Variants in CTIF observed in about 807,000 individuals in gnomAD.
The protein encoded by CTIF is CBP80/20-dependent translation initiation factor.
A neutral mutation model predicts 66.0 loss-of-function variants in CTIF; 21 were observed. The observed-to-expected ratio is 0.32, with a 90% CI of 0.23 to 0.46. The LOEUF (loss-of-function observed/expected upper bound fraction) is 0.46. Ranked by LOEUF, CTIF falls within the 20% of genes least tolerant of loss-of-function variation. The probability of loss-of-function intolerance (pLI) is 1.00; values close to 1 mark genes in which losing one functional copy is unlikely to be tolerated. For synonymous variants in CTIF, 345 were observed against 326.4 expected, an observed-to-expected ratio of 1.06 and a Z score of -0.62; for missense variants, 739 against 812.7, an observed-to-expected ratio of 0.91 and a Z score of 1.10.
intron 6 of CTIF, among the ~76,000 whole-genome samples, chr18:48,703,076 G>A (rs2092104629): frequency 6.6e-6 from 1 of 152,182 alleles, no homozygotes; most frequent in African/African-American, 2.4e-5. Context: ...CCAGGTTGGG[G>A]CTAGAGATGA....
intron 10 of CTIF, among the ~76,000 whole-genome samples, chr18:48,840,693 C>G (rs2068919802): frequency 6.6e-6 from 1 of 152,158 alleles, no homozygotes; most frequent in East Asian, 1.9e-4. Context: ...GCCCTTAGCA[C>G]AGCCCGATTC....
intron 10 of CTIF, among the ~76,000 whole-genome samples, chr18:48,846,706 G>A (rs1483764060): frequency 6.6e-6 from 1 of 151,426 alleles, no homozygotes; most frequent in Non-Finnish European, 1.5e-5. Flanking sequence ...TGGATGAAAG[G>A]ATGGATAGAT....
chr18:48,665,158 C>A (rs2091416627), intron 5 of CTIF, among the ~76,000 whole-genome samples: 1 of 152,102 alleles, frequency 6.6e-6, no homozygotes, highest in African/African-American at 2.4e-5. Flanking sequence ...TCATGATCCA[C>A]CCGCCTCGGC....
rs1039077155 is a variant in CTIF at position 48,861,446 on chromosome 18, G to C, written c.*1887G>C. 1 of 152,110 alleles carries C rather than the reference G, an allele frequency of 6.6e-6. No homozygotes were observed. The highest frequency in any genetic ancestry group is 1.9e-4 in the East Asian group (1 of 5,200). 9.4% of individuals were successfully genotyped at this position (152,110 alleles called of 1,614,324 possible). On this transcript the variant is annotated 3_prime_UTR_variant, in exon 12 of 12. Coordinates refer to ENST00000256413, the MANE Select transcript of CTIF (RefSeq NM_014772.3). Reference sequence around the variant, plus strand: ...CAGCCTGGGAACACAGATGCCCCGCGGGTAGGAGGCCTCGAGGGAGGAGCC... The same window carrying C: ...CAGCCTGGGAACACAGATGCCCCGCCGGTAGGAGGCCTCGAGGGAGGAGCC...
intron 1 of CTIF, among the ~76,000 whole-genome samples, chr18:48,556,667 C>T (rs1045392696): frequency 2.6e-5 from 4 of 152,168 alleles, no homozygotes; most frequent in Non-Finnish European, 5.9e-5. Context: ...CAGGTTCAAG[C>T]GATTCTTGTG....
chr18:48,651,892 G>A (rs2091161556), intron 3 of CTIF, among the ~76,000 whole-genome samples: 1 of 152,222 alleles, frequency 6.6e-6, no homozygotes, highest in Admixed American at 6.5e-5. Flanking sequence ...AATGAAGGCA[G>A]AAATAAAGAT....
chr18:48,840,630 G>A (rs2068918027), intron 10 of CTIF, among the ~76,000 whole-genome samples: 1 of 152,220 alleles, frequency 6.6e-6, no homozygotes, highest in African/African-American at 2.4e-5. Flanking sequence ...CTCAGCCCAG[G>A]CCTGTCTGCT....
At chr18:48,712,311 T>C (rs1248244868) in intron 7 of CTIF, among the ~76,000 whole-genome samples, 3 of 152,120 alleles carry the variant, frequency 2.0e-5, no homozygotes, top group Non-Finnish European at 4.4e-5. Flanking sequence ...AAAGGGGCAA[T>C]GAGGTAGCCC....
chr18:48,789,353 T>C (rs1219006994), intron 9 of CTIF, among the ~76,000 whole-genome samples: 1 of 151,908 alleles, frequency 6.6e-6, no homozygotes, highest in Non-Finnish European at 1.5e-5. Context: ...ATGGTAATAA[T>C]GATTGGGTTG....
intron 1 of CTIF, among the ~76,000 whole-genome samples, chr18:48,569,572 A>G (rs3744827): frequency 0.6 from 91,808 of 152,102 alleles, 29,894 homozygotes; most frequent in East Asian, 0.93. Context: ...CCGCACCAGT[A>G]TACTTAACAA....
chr18:48,769,991 C>T (rs776862493), intron 9 of CTIF, among the ~76,000 whole-genome samples: 23 of 152,122 alleles, frequency 1.5e-4, no homozygotes, highest in Non-Finnish European at 2.5e-4. Context: ...TTGGGTGGGG[C>T]GGGGGAACAT....
At chr18:48,561,293 C>A (rs188166103) in intron 1 of CTIF, among the ~76,000 whole-genome samples, 85 of 150,258 alleles carry the variant, frequency 5.7e-4, no homozygotes, top group African/African-American at 2.1e-3. Context: ...CATTTGAGCT[C>A]AGTTATAGTT....
chr18:48,606,383 T>C (rs112281354), intron 1 of CTIF, among the ~76,000 whole-genome samples: 403 of 152,334 alleles, frequency 2.6e-3, no homozygotes, highest in African/African-American at 9.2e-3. Context: ...GCCACTGGCA[T>C]ACTGTTCCAG....
Position 48,862,680 on chromosome 18 carries a change from A to ATTAT in CTIF, c.*3123_*3124insATTT, listed in dbSNP as rs137893017. 1 of 151,234 alleles carries ATTAT rather than the reference A, an allele frequency of 6.6e-6. No homozygotes were observed. The highest frequency in any genetic ancestry group is 2.4e-5 in the African/African-American group (1 of 40,828). 9.4% of individuals were successfully genotyped at this position (151,234 alleles called of 1,614,324 possible). ...TGATTGATTTTTATTTTATTCTATT[A>ATTAT]TTTTCTCCGAGGGATGAGGGTGGGG... On this transcript the variant is annotated 3_prime_UTR_variant, in exon 12 of 12. Coordinates refer to ENST00000256413, the MANE Select transcript of CTIF (RefSeq NM_014772.3).
chr18:48,755,364 T>G (rs1429504924), intron 7 of CTIF, among the ~76,000 whole-genome samples: 2 of 151,856 alleles, frequency 1.3e-5, no homozygotes, highest in African/African-American at 4.8e-5. Context: ...GGCTTTCCAA[T>G]GGGGGTTGCC....
rs1908987563 is a variant in CTIF at position 48,761,511 on chromosome 18, A to C, written c.1193A>C (p.Glu398Ala). The C allele has an allele frequency of 6.2e-7, 1 of 1,614,170 alleles. No homozygotes were observed. The highest frequency in any genetic ancestry group is 2.2e-5 in the East Asian group (1 of 44,882). Residue 398 changes from glutamate (E) to alanine (A), a missense_variant, in exon 9 of 12, where the codon GAG becomes GCG. Glu to Ala is a moderately radical substitution (Grantham distance 107). Coordinates refer to ENST00000256413, the MANE Select transcript of CTIF (RefSeq NM_014772.3). The surrounding 1 kb of genome is among the most constrained non-coding windows in gnomAD (Gnocchi z 4.2). The stretch of plus-strand genomic sequence containing the variant: ...GACACCAAGCTCACCACCTTCATGG[A>C]GGAGGCCCAGAACTCCACCAACTCC... ...DVDTKLTTFM[E>A]EAQNSTNSEE...
chr18:48,594,961 C>T (rs538364232), intron 1 of CTIF, among the ~76,000 whole-genome samples: 74 of 152,300 alleles, frequency 4.9e-4, no homozygotes, highest in Admixed American at 1.2e-3. Flanking sequence ...GCCCTGAAGG[C>T]CTCCAGTCTG....
At chr18:48,854,497 C>G (rs569336500) in intron 10 of CTIF, among the ~76,000 whole-genome samples, 4 of 152,328 alleles carry the variant, frequency 2.6e-5, no homozygotes, top group African/African-American at 9.6e-5. Flanking sequence ...ACTCTAGAGG[C>G]AAACGTGTGC....
chr18:48,829,148 G>A (rs1224923678), intron 10 of CTIF, among the ~76,000 whole-genome samples: 2 of 152,162 alleles, frequency 1.3e-5, no homozygotes, highest in East Asian at 3.8e-4. Context: ...ATCGTACCTT[G>A]CCAGAGTTGT....
Sources: gnomAD v4.1 joint callset for allele counts (sites outside exome capture counted in the v4.1 genomes callset) on GRCh38, gnomAD v4.1.1 for gene constraint, Gnocchi (gnomAD v3.1) non-coding constraint, MANE v1.5 for transcripts, NCBI Gene and HGNC (gene_info 2026-07-23, HGNC 2026-07-21) for gene names.